Variants in NALF1 observed in about 807,000 individuals in gnomAD.
The protein encoded by NALF1 is NALCN channel auxiliary factor 1.
In NALF1, 3 loss-of-function variants were observed where a neutral mutation model predicts 48.4. The ratio of observed to expected loss-of-function variants is 0.06; its 90% CI spans 0.03 to 0.16. The LOEUF (loss-of-function observed/expected upper bound fraction) is 0.16. NALF1 is among the 10% of genes least tolerant of loss of function. The probability of loss-of-function intolerance (pLI) is 1.00; values close to 1 mark genes in which losing one functional copy is unlikely to be tolerated. For missense variants in NALF1, 526 were observed against 571.5 expected, an observed-to-expected ratio of 0.92 and a Z score of 0.81; for synonymous variants, 262 against 245.7, an observed-to-expected ratio of 1.07 and a Z score of -0.62.
intron 1 of NALF1, among the ~76,000 whole-genome samples, chr13:107,341,191 G>T (rs1882673933): frequency 6.6e-6 from 1 of 152,064 alleles, no homozygotes; most frequent in Non-Finnish European, 1.5e-5. Flanking sequence ...CTCTTGACTG[G>T]ATGAAGATTA....
intron 1 of NALF1, among the ~76,000 whole-genome samples, chr13:107,673,325 C>T (rs538963124): frequency 6.6e-6 from 1 of 152,124 alleles, no homozygotes; most frequent in East Asian, 1.9e-4. Flanking sequence ...TGCACCATAC[C>T]CCTCTTATAG....
In NALF1 at chr13:107,477,764, C is replaced by A. The variant is rs149756189; in HGVS notation, c.916-267009G>T. Among the ~76,000 whole-genome samples the A allele has an allele frequency of 3.0e-3, 461 of 151,982 alleles. 7 individuals carry two copies. Among genetic ancestry groups the A allele is most frequent in the African/African-American group, 0.011 (449 of 41,452 alleles). Reference sequence around the variant, plus strand: ...GCAGGAGGCTTTAGAAAACCTGTAACTAATTTTTTTTCCTGCCGCTTAAAG... The same window carrying A: ...GCAGGAGGCTTTAGAAAACCTGTAAATAATTTTTTTTCCTGCCGCTTAAAG... On this transcript the variant is annotated intron_variant, in intron 1 of 2. Transcript: ENST00000375915.
intron 1 of NALF1, among the ~76,000 whole-genome samples, chr13:107,755,431 T>C (rs184418027): frequency 6.6e-6 from 1 of 152,132 alleles, no homozygotes; most frequent in Admixed American, 6.6e-5. Flanking sequence ...TGGAGTGCCA[T>C]GTATCTTCAA....
intron 1 of NALF1, among the ~76,000 whole-genome samples, chr13:107,428,029 T>C (rs1156452165): frequency 6.6e-6 from 1 of 152,116 alleles, no homozygotes; most frequent in Non-Finnish European, 1.5e-5. Flanking sequence ...CAAGACAGAA[T>C]TTTGAGGGAA....
rs189590932 is a variant in NALF1, at chr13:107,430,397, G to A, written c.916-219642C>T. On this transcript the variant is annotated intron_variant, in intron 1 of 2. Transcript: ENST00000375915. ...GTTGGTGTGCTACACCCATTAACTC[G>A]TCATTTAGCATTAGGTATATCTCCT... 2.0e-5 allele frequency among the ~76,000 whole-genome samples: 3 copies of A among 151,658 alleles called. 1 individual carries two copies. Among genetic ancestry groups the A allele is most frequent in the East Asian group, 3.9e-4 (2 of 5,156 alleles).
intron 1 of NALF1, among the ~76,000 whole-genome samples, chr13:107,763,521 ATAG>A (rs1049452219): frequency 5.9e-5 from 9 of 151,946 alleles, no homozygotes; most frequent in African/African-American, 2.2e-4. Flanking sequence ...GCAGATAAAA[ATAG>A]TAGATAAGAA....
At chr13:107,216,921 T>G (rs1054806692) in intron 1 of NALF1, among the ~76,000 whole-genome samples, 1 of 152,082 alleles carries the variant, frequency 6.6e-6, no homozygotes, top group Non-Finnish European at 1.5e-5. Flanking sequence ...CTTTCGCAAA[T>G]AGAGAATGTG....
chr13:107,763,782 T>C (rs951037878), intron 1 of NALF1, among the ~76,000 whole-genome samples: 2 of 152,162 alleles, frequency 1.3e-5, no homozygotes, highest in Non-Finnish European at 2.9e-5. Context: ...ATCAATATTA[T>C]ACAAAGTTAT....
chr13:107,360,519 A>G (rs1883042951), intron 1 of NALF1, among the ~76,000 whole-genome samples: 1 of 152,162 alleles, frequency 6.6e-6, no homozygotes, highest in Admixed American at 6.6e-5. Flanking sequence ...ATAAAAAGAA[A>G]ATAGAATAAT....
intron 1 of NALF1, among the ~76,000 whole-genome samples, chr13:107,612,999 T>G (rs1489807616): frequency 8.4e-5 from 10 of 119,522 alleles, no homozygotes; most frequent in Non-Finnish European, 1.2e-4. Flanking sequence ...TTTCCCACAA[T>G]GAGAAAAAAA....
intron 2 of NALF1, among the ~76,000 whole-genome samples, chr13:107,206,038 C>T (rs751521616): frequency 1.3e-5 from 2 of 152,108 alleles, no homozygotes; most frequent in African/African-American, 2.4e-5. Flanking sequence ...TCTAAAATAG[C>T]ACTGCATTAT....
At chr13:107,325,887 TAC>T (rs1555332567) in intron 1 of NALF1, among the ~76,000 whole-genome samples, 1,235 of 58,818 alleles carry the variant, frequency 0.021, 42 homozygotes, top group East Asian at 0.059. Flanking sequence ...TATATATATA[TAC>T]ACACACACAC....
At chr13:107,300,620 T>G (rs1316331716) in intron 1 of NALF1, among the ~76,000 whole-genome samples, 10 of 152,228 alleles carry the variant, frequency 6.6e-5, no homozygotes, top group African/African-American at 2.4e-4. Flanking sequence ...CATCTTAAAT[T>G]TTAACTGTAA....
intron 1 of NALF1, among the ~76,000 whole-genome samples, chr13:107,854,143 T>TA (rs1363785836): frequency 3.3e-5 from 5 of 152,302 alleles, no homozygotes; most frequent in South Asian, 4.1e-4. Flanking sequence ...ACATTCGGTG[T>TA]AAAAAAAGCC....
chr13:107,262,986 T>C (rs571495929), intron 1 of NALF1, among the ~76,000 whole-genome samples: 1 of 152,272 alleles, frequency 6.6e-6, no homozygotes, highest in Non-Finnish European at 1.5e-5. Context: ...GGGCTGTACC[T>C]TTAAATGTTT....
At chr13:107,335,020 G>C (rs749711642) in intron 1 of NALF1, among the ~76,000 whole-genome samples, 2 of 152,028 alleles carry the variant, frequency 1.3e-5, no homozygotes, top group Non-Finnish European at 2.9e-5. Flanking sequence ...AGAGGATGAG[G>C]ACACCTAAAG....
chr13:107,740,561 A>G (rs148767548), intron 1 of NALF1, among the ~76,000 whole-genome samples: 2 of 152,354 alleles, frequency 1.3e-5, no homozygotes, highest in East Asian at 3.9e-4. Context: ...TCAGACTCAC[A>G]GGCAAAGGAT....
At chr13:107,221,372 G>A (rs1413560106) in intron 1 of NALF1, among the ~76,000 whole-genome samples, 2 of 152,200 alleles carry the variant, frequency 1.3e-5, no homozygotes, top group Non-Finnish European at 2.9e-5. Context: ...GAGCTCAGGA[G>A]TTCAAGACCA....
At chr13:107,753,331 T>C (rs578234805) in intron 1 of NALF1, among the ~76,000 whole-genome samples, 1 of 152,200 alleles carries the variant, frequency 6.6e-6, no homozygotes, top group Non-Finnish European at 1.5e-5. Context: ...AAGGCTTCAA[T>C]CCACACAGGT....
Sources: gnomAD v4.1 joint callset for allele counts (sites outside exome capture counted in the v4.1 genomes callset) on GRCh38, gnomAD v4.1.1 for gene constraint, MANE v1.5 for transcripts, NCBI Gene and HGNC (gene_info 2026-07-23, HGNC 2026-07-21) for gene names.